SUCLG2: variants seen among roughly 807,000 people sequenced by gnomAD.
SUCLG2 encodes succinate-CoA ligase GDP-forming subunit beta, also known as succinate--CoA ligase [GDP-forming] subunit beta, mitochondrial.
SUCLG2 carries 42 observed loss-of-function variants against 47.9 expected under a neutral mutation model. The ratio of observed to expected loss-of-function variants is 0.88; its 90% CI spans 0.69 to 1.14. The LOEUF is 1.14. SUCLG2 is among the 50% of genes most tolerant of loss of function. The pLI, the probability that SUCLG2 is intolerant of heterozygous loss-of-function variation, is 0.00. For synonymous variants in SUCLG2, 195 were observed against 197.3 expected, an observed-to-expected ratio of 0.99 and a Z score of 0.10; for missense variants, 571 against 525.9, an observed-to-expected ratio of 1.09 and a Z score of -0.84.
chr3:67,562,970 C>A (rs961813067), intron 2 of SUCLG2, among the ~76,000 whole-genome samples: 1 of 151,614 alleles, frequency 6.6e-6, no homozygotes, highest in Non-Finnish European at 1.5e-5. Flanking sequence ...ATAATTTACA[C>A]ATTTTTCATT....
intron 2 of SUCLG2, among the ~76,000 whole-genome samples, chr3:67,551,315 T>C (rs1707008434): frequency 6.6e-6 from 1 of 152,230 alleles, no homozygotes; most frequent in Non-Finnish European, 1.5e-5. Context: ...ATTCGCCTGC[T>C]ACAAATGCAC....
intron 1 of SUCLG2, among the ~76,000 whole-genome samples, chr3:67,618,886 A>G (rs1022508944): frequency 1.3e-5 from 2 of 152,216 alleles, no homozygotes; most frequent in African/African-American, 4.8e-5. Context: ...TTCCCGCATC[A>G]AGAGAAACAA....
At chr3:67,434,512 C>G (rs1170175185) in intron 9 of SUCLG2, among the ~76,000 whole-genome samples, 4 of 152,056 alleles carry the variant, frequency 2.6e-5, no homozygotes. Flanking sequence ...TGGTTCCTGT[C>G]TCTAACAATA....
At chr3:67,527,057 G>A (rs193078163) in intron 4 of SUCLG2, among the ~76,000 whole-genome samples, 3 of 152,196 alleles carry the variant, frequency 2.0e-5, no homozygotes, top group Admixed American at 1.3e-4. Flanking sequence ...AACATCTCAT[G>A]TACCTTATAA....
At position 67,481,917 on chromosome 3, in the gene SUCLG2, G is replaced by A. The variant is rs189748281; in HGVS notation, c.1062+13881C>T. Among the ~76,000 whole-genome samples the A allele has an allele frequency of 6.2e-4, 95 of 152,300 alleles. 1 individual carries two copies. The highest frequency in any genetic ancestry group is 4.0e-3 in the Admixed American group (61 of 15,300). On this transcript the variant is annotated intron_variant, in intron 9 of 10. Coordinates refer to ENST00000307227, the MANE Select transcript of SUCLG2 (RefSeq NM_003848.4). ...TTGTTGGCAGGGCGTGGTGGCTCACGCCTGTAATCCCAGCACTTTGTGAGG... is the reference window on the plus strand; with the variant it reads ...TTGTTGGCAGGGCGTGGTGGCTCACACCTGTAATCCCAGCACTTTGTGAGG...
At chr3:67,457,869 T>C (rs892223800) in intron 9 of SUCLG2, among the ~76,000 whole-genome samples, 3 of 152,102 alleles carry the variant, frequency 2.0e-5, no homozygotes, top group African/African-American at 7.2e-5. Context: ...TCAACGTTTA[T>C]AAATGCCCTT....
At chr3:67,502,586 T>A (rs1334364981) in intron 7 of SUCLG2, among the ~76,000 whole-genome samples, 1 of 152,244 alleles carries the variant, frequency 6.6e-6, no homozygotes, top group Non-Finnish European at 1.5e-5. Flanking sequence ...ACTAGCAGGT[T>A]GTTAGACGAC....
At chr3:67,410,923 A>G (rs924598926) in intron 9 of SUCLG2, among the ~76,000 whole-genome samples, 8 of 152,218 alleles carry the variant, frequency 5.3e-5, no homozygotes, top group Admixed American at 3.3e-4. Flanking sequence ...ACATTGGTGC[A>G]GATTGAGAAT....
At chr3:67,635,570 T>C (rs142499722) in intron 1 of SUCLG2, among the ~76,000 whole-genome samples, 1 of 152,300 alleles carries the variant, frequency 6.6e-6, no homozygotes, top group African/African-American at 2.4e-5. Flanking sequence ...GTGTTGTTCA[T>C]GAAATACCTT....
At chr3:67,522,046 C>CTATT (rs1276514698) in intron 4 of SUCLG2, among the ~76,000 whole-genome samples, 2 of 97,554 alleles carry the variant, frequency 2.1e-5, no homozygotes, top group Non-Finnish European at 5.1e-5. Context: ...ATTTATTTAT[C>CTATT]TATTTATTTA....
chr3:67,588,136 T>A (rs1242917098), intron 2 of SUCLG2, among the ~76,000 whole-genome samples: 4 of 152,150 alleles, frequency 2.6e-5, no homozygotes, highest in African/African-American at 7.2e-5. Context: ...AAAATGAAAA[T>A]ATCATGCAGC....
chr3:67,486,656 G>A (rs931908022), intron 9 of SUCLG2, among the ~76,000 whole-genome samples: 2 of 152,122 alleles, frequency 1.3e-5, no homozygotes, highest in African/African-American at 4.8e-5. Flanking sequence ...TATGCTCTCT[G>A]TAGGGTACAT....
chr3:67,453,765 G>A (rs892674241), intron 9 of SUCLG2, among the ~76,000 whole-genome samples: 37 of 152,266 alleles, frequency 2.4e-4, no homozygotes, highest in Non-Finnish European at 4.3e-4. Flanking sequence ...TCAAGCCTTT[G>A]GCTCCCAAGA....
intron 9 of SUCLG2, among the ~76,000 whole-genome samples, chr3:67,472,561 C>A (rs183709501): frequency 2.6e-5 from 4 of 152,258 alleles, no homozygotes; most frequent in African/African-American, 7.2e-5. Context: ...TATATGCAGA[C>A]CCTCTGAAGC....
chr3:67,427,223 T>C (rs764401337), intron 9 of SUCLG2, among the ~76,000 whole-genome samples: 6 of 152,186 alleles, frequency 3.9e-5, no homozygotes, highest in Non-Finnish European at 7.3e-5. Context: ...AGCCTACCAA[T>C]TCACAGGTGA....
chr3:67,621,665 T>G (rs1700739397), intron 1 of SUCLG2, among the ~76,000 whole-genome samples: 1 of 152,076 alleles, frequency 6.6e-6, no homozygotes, highest in Non-Finnish European at 1.5e-5. Flanking sequence ...GGTGGCTTTC[T>G]AAGAAAAAGA....
chr3:67,447,737 A>C (rs1227013326), intron 9 of SUCLG2, among the ~76,000 whole-genome samples: 1 of 152,202 alleles, frequency 6.6e-6, no homozygotes, highest in Non-Finnish European at 1.5e-5. Flanking sequence ...TTATTAATGC[A>C]TTTATTTATT....
At chr3:67,362,310 TG>T (rs1234645340) in intron 10 of SUCLG2, among the ~76,000 whole-genome samples, 1 of 149,024 alleles carries the variant, frequency 6.7e-6, no homozygotes, top group Non-Finnish European at 1.5e-5. Flanking sequence ...GCGTCTCCCC[TG>T]GCCCCTTACG....
In SUCLG2 at chr3:67,520,633, A is replaced by T; in HGVS notation, c.419T>A (p.Val140Glu). The T allele has an allele frequency of 1.2e-6, 2 of 1,605,064 alleles. No individual in the cohort carries two copies. Among genetic ancestry groups the T allele is most frequent in the South Asian group, 2.2e-5 (2 of 89,312 alleles). Residue 140 changes from valine (V) to glutamate (E), a missense_variant and splice_region_variant, in exon 5 of 11, where the codon GTG becomes GAG. Physicochemically the swap from Val to Glu is moderately radical, Grantham distance 121. Coordinates refer to ENST00000307227, the MANE Select transcript of SUCLG2 (RefSeq NM_003848.4). ...AATATCCAAGGCTTCAGCAACCATC[A>T]CCTACCACATTAGTGGGAAAGTCAA... The part of the protein sequence containing the change: ...TPKEGVKVNK[V>E]MVAEALDISR...
Sources: gnomAD v4.1 joint callset for allele counts (sites outside exome capture counted in the v4.1 genomes callset) on GRCh38, gnomAD v4.1.1 for gene constraint, MANE v1.5 for transcripts, NCBI Gene and HGNC (gene_info 2026-07-23, HGNC 2026-07-21) for gene names.